Variants in TASOR2 observed in about 807,000 individuals in gnomAD.
TASOR2 encodes the protein transcription activation suppressor family member 2.
In TASOR2, 84 loss-of-function variants were observed where a neutral mutation model predicts 199.5. That is an observed-to-expected ratio of 0.42 (90% CI 0.35 to 0.50). TASOR2 has a LOEUF of 0.50. TASOR2 is among the 20% of genes least tolerant of loss of function. The pLI is 0.02. For synonymous variants in TASOR2, 1,103 were observed against 1,046.6 expected, an observed-to-expected ratio of 1.05 and a Z score of -1.04; for missense variants, 2,796 against 2,835.9, an observed-to-expected ratio of 0.99 and a Z score of 0.32.
At chr10:5,755,862 T>G (rs540717336) in intron 15 of TASOR2, among the ~76,000 whole-genome samples, 1 of 151,846 alleles carries the variant, frequency 6.6e-6, no homozygotes. Context: ...CCCAGTGATG[T>G]GCACCTGTAG....
chr10:5,742,471 A>G lies in TASOR2; in HGVS notation c.2702A>G (p.Glu901Gly). 1 of 1,614,030 alleles carries G rather than the reference A, an allele frequency of 6.2e-7. No homozygotes were observed. Among genetic ancestry groups the G allele is most frequent in the Non-Finnish European group, 8.5e-7 (1 of 1,180,018 alleles). The change falls in exon 14 of 21, where the codon GAG becomes GGG. Residue 901 changes from glutamate (E) to glycine (G), a missense_variant. Transcript: ENST00000328090. The surrounding 1 kb of genome is among the most constrained non-coding windows in gnomAD (Gnocchi z 4.2). Reference sequence around the variant, plus strand: ...GAACAGAAAAAAACTTTTGCAAGAGAGTGTGATCCAGACACCCAAGAAGAC... The same window carrying G: ...GAACAGAAAAAAACTTTTGCAAGAGGGTGTGATCCAGACACCCAAGAAGAC...
At chr10:5,700,546 A>G (rs576430464) in intron 1 of TASOR2, among the ~76,000 whole-genome samples, 1 of 152,086 alleles carries the variant, frequency 6.6e-6, no homozygotes, top group African/African-American at 2.4e-5. Flanking sequence ...TTAAATTTCT[A>G]CCAGCAGTGT....
chr10:5,707,276 T>C (rs1187256323), intron 1 of TASOR2, among the ~76,000 whole-genome samples: 1 of 152,166 alleles, frequency 6.6e-6, no homozygotes, highest in Non-Finnish European at 1.5e-5. Flanking sequence ...ATCCATCAGT[T>C]AGTATGTCTT....
Position 5,699,381 on chromosome 10 carries a change from A to T in TASOR2, c.-287-13442A>T, listed in dbSNP as rs1837532095. 1 of 152,076 alleles carries T rather than the reference A, an allele frequency of 6.6e-6. No individual in the cohort carries two copies. The highest frequency in any genetic ancestry group is 1.5e-5 in the Non-Finnish European group (1 of 67,984). The allele number at this position is 152,076 out of a possible 1,614,324, so 9.4% of individuals were successfully genotyped here. A position where few individuals can be genotyped will look rare whatever the true frequency, so the allele number is the denominator to read the frequency against. On this transcript the variant is annotated intron_variant, in intron 1 of 20. Coordinates refer to ENST00000328090, the Ensembl canonical transcript of TASOR2. This position sits in a 1 kb window ranked among gnomAD's most constrained non-coding sequence, Gnocchi z 4.1. ...AGGTTTCTTTGGGGATAATGAAAAT[A>T]CTCTAAAATTGATTGTGGTGAAGGT...
At chr10:5,749,614 A>G in exon 15 of TASOR2, 1 of 1,614,166 alleles carries the variant, frequency 6.2e-7, no homozygotes, top group Non-Finnish European at 8.5e-7. Context: ...CAGTCTGGAC[A>G]GCTCTTCCTC....
Position 5,724,632 on chromosome 10 carries a change from T to TATATAG in TASOR2, c.351+102_351+103insTAGATA, listed in dbSNP as rs1554764631. 220 of 178,916 alleles carry TATATAG rather than the reference T, an allele frequency of 1.2e-3. 4 individuals are homozygous for TATATAG. In the East Asian group the frequency reaches 0.024, roughly 19 times the overall value. The allele number at this position is 178,916 out of a possible 1,614,324, so 11.1% of individuals were successfully genotyped here. A position where few individuals can be genotyped will look rare whatever the true frequency, so the allele number is the denominator to read the frequency against. Reference sequence around the variant, plus strand: ...CACATATATATATATTATATATATATATAGATAGATAGATAGATAGATATA... The same window carrying TATATAG: ...CACATATATATATATTATATATATATATATAGATAGATAGATAGATAGATAGATATA... On this transcript the variant is annotated intron_variant, in intron 8 of 20. Coordinates refer to ENST00000328090, the Ensembl canonical transcript of TASOR2.
Position 5,747,695 on chromosome 10 carries a change from T to G in TASOR2, c.4274T>G (p.Leu1425Ter). The stretch of plus-strand genomic sequence containing the variant: ...TATCAGGCTGTGACTCCATGCATTT[T>G]AAAACTTCATGGTACACAGTGTGAG... Residue 1425 changes from leucine to a stop codon, truncating the protein, a stop_gained, in exon 15 of 21, where the codon TTA becomes TGA. Coordinates refer to ENST00000328090, the Ensembl canonical transcript of TASOR2. LOFTEE classifies it high-confidence loss of function. 1 of 1,614,200 alleles carries G rather than the reference T, an allele frequency of 6.2e-7. No individual in the cohort carries two copies. Among genetic ancestry groups the G allele is most frequent in the Non-Finnish European group, 8.5e-7 (1 of 1,180,020 alleles).
In TASOR2 at chr10:5,753,426, G is replaced by C. The variant is rs147268294; in HGVS notation, c.6607-3187G>C. Among the ~76,000 whole-genome samples the C allele has an allele frequency of 6.1e-3, 932 of 152,244 alleles. 16 individuals carry two copies. The highest frequency in any genetic ancestry group is 0.045 in the South Asian group (216 of 4,830). On this transcript the variant is annotated intron_variant, in intron 15 of 20. Transcript: ENST00000328090. ...CACCCAGACTGGAGTGCAGTGGCGC[G>C]ATCTCGGCTCACTGCAAGCTCTGTC...
chr10:5,708,580 TTC>T (rs1376474800), intron 1 of TASOR2, among the ~76,000 whole-genome samples: 2 of 144,752 alleles, frequency 1.4e-5, no homozygotes, highest in East Asian at 2.3e-4. Flanking sequence ...TTCTCTCCTT[TTC>T]TCTCTCTTTC....
chr10:5,745,426 T>C (rs1837049465), intron 14 of TASOR2, among the ~76,000 whole-genome samples: 1 of 152,140 alleles, frequency 6.6e-6, no homozygotes, highest in South Asian at 2.1e-4. Flanking sequence ...AAGTTTCAGA[T>C]GATGGTGTAC....
intron 15 of TASOR2, 37 bp from the exon 17 acceptor site, chr10:5,756,575 AC>A: frequency 6.2e-7 from 1 of 1,606,450 alleles, no homozygotes; most frequent in Non-Finnish European, 8.5e-7. Context: ...CTGTGGAAGT[AC>A]CCTTTTTTTA....
At chr10:5,739,124 G>A (rs1047062119) in intron 12 of TASOR2, among the ~76,000 whole-genome samples, 3 of 152,100 alleles carry the variant, frequency 2.0e-5, no homozygotes, top group Non-Finnish European at 2.9e-5. Flanking sequence ...CTAATAAATC[G>A]CTTGTTCAGG....
chr10:5,754,941 G>C lies in TASOR2; in HGVS notation c.6607-1672G>C, dbSNP rs999584807. ...GGTGCCTGTAGTCCCAGCTACTCGGGAGGCTGAGGCAGGAGAATGGCGTGA... is the reference window on the plus strand; with the variant it reads ...GGTGCCTGTAGTCCCAGCTACTCGGCAGGCTGAGGCAGGAGAATGGCGTGA... On this transcript the variant is annotated intron_variant, in intron 15 of 20. Transcript: ENST00000328090. The surrounding 1 kb of genome is among the most constrained non-coding windows in gnomAD (Gnocchi z 4.3). Among the ~76,000 whole-genome samples, 2 of 151,278 alleles carry C rather than the reference G, an allele frequency of 1.3e-5. No homozygotes were observed. The highest frequency in any genetic ancestry group is 4.9e-5 in the African/African-American group (2 of 41,124).
In TASOR2 at chr10:5,730,694, A is replaced by T; in HGVS notation, c.695A>T (p.Asp232Val). 1 of 1,614,124 alleles carries T rather than the reference A, an allele frequency of 6.2e-7. No individual in the cohort carries two copies. Among genetic ancestry groups the T allele is most frequent in the Non-Finnish European group, 8.5e-7 (1 of 1,180,016 alleles). ...GTTGCTCCTCAGGATAGAATGAAAG[A>T]CCCTACATTCTTGGGGAAACTGCCC... The change falls in exon 11 of 21, where the codon GAC becomes GTC. Residue 232 changes from aspartate to valine, a missense_variant. Physicochemically the swap from Asp to Val is radical, Grantham distance 152. Around this residue, in one of 3 missense-constraint regions of TASOR2, gnomAD observed 847 missense variants for 887.4 expected, o/e 0.95. Transcript: ENST00000328090. This position sits in a 1 kb window ranked among gnomAD's most constrained non-coding sequence, Gnocchi z 4.1.
intron 8 of TASOR2, 47 bp from the exon 10 acceptor site, chr10:5,726,837 AG>A: frequency 6.6e-7 from 1 of 1,513,350 alleles, no homozygotes. Flanking sequence ...GGGAGAAGAG[AG>A]GGATTGCAGA....
intron 1 of TASOR2, among the ~76,000 whole-genome samples, chr10:5,711,692 C>T (rs1470972316): frequency 1.3e-5 from 2 of 152,100 alleles, no homozygotes; most frequent in African/African-American, 4.8e-5. Flanking sequence ...ACGTGCCTCT[C>T]ATGGGAAGGG....
intron 1 of TASOR2, among the ~76,000 whole-genome samples, chr10:5,686,636 A>C (rs2131476297): frequency 6.6e-6 from 1 of 152,336 alleles, no homozygotes; most frequent in Non-Finnish European, 1.5e-5. Flanking sequence ...CACTCGCTCA[A>C]AAGATGTGTT....
At chr10:5,724,623 A>T (rs189381285) in intron 8 of TASOR2, 90 bp downstream of exon 9, 1,882 of 71,558 alleles carry the variant, frequency 0.026, 12 homozygotes, top group Middle Eastern at 0.078. Flanking sequence ...TATATATATT[A>T]TATATATATA....
Position 5,740,422 on chromosome 10 carries a change from CAG to C in TASOR2, c.2254_2255del (p.Glu752IlefsTer29). ...GTTAAGATCACTTTCAAATGTGAAA[CAG>C]AATATGCATTCAGTTTAGACAGCAA... On this transcript the variant is annotated frameshift_variant, in exon 13 of 21. Transcript: ENST00000328090. LOFTEE classifies it high-confidence loss of function. The surrounding 1 kb of genome is among the most constrained non-coding windows in gnomAD (Gnocchi z 5.3). 6.2e-7 allele frequency: 1 copy of C among 1,614,148 alleles called. No homozygotes were observed. Among genetic ancestry groups the C allele is most frequent in the Non-Finnish European group, 8.5e-7 (1 of 1,180,036 alleles).
Sources: allele counts gnomAD v4.1 joint callset (sites outside exome capture counted in the v4.1 genomes callset), GRCh38; gene constraint gnomAD v4.1.1; regional missense constraint gnomAD v4.1.1; non-coding constraint Gnocchi (gnomAD v3.1); transcripts MANE v1.5; gene names NCBI Gene and HGNC (gene_info 2026-07-23, HGNC 2026-07-21).